Variants in ASPRV1 observed in about 807,000 individuals in gnomAD.
ASPRV1 encodes the protein retroviral-like aspartic protease 1.
In ASPRV1, 7 loss-of-function variants were observed where a neutral mutation model predicts 11.0. The ratio of observed to expected loss-of-function variants is 0.64; its 90% CI spans 0.36 to 1.20. The LOEUF (loss-of-function observed/expected upper bound fraction) is 1.20, where lower values mean the gene tolerates loss of function less well. Among genes scored for constraint, ASPRV1 ranks in the 50% most tolerant of loss-of-function variants. The pLI, the probability that ASPRV1 is intolerant of heterozygous loss-of-function variation, is 0.02. For missense variants in ASPRV1, 299 were observed against 320.0 expected (o/e 0.93, Z 0.50); for synonymous variants, 136 against 138.4 (o/e 0.98, Z 0.12).
chr2:70,076,884 A>G, the ASPRV1 span, among the ~76,000 whole-genome samples: 1 of 152,372 alleles, frequency 6.6e-6, no homozygotes, highest in Non-Finnish European at 1.5e-5. Flanking sequence ...ATCAAAATTA[A>G]GAATTTCAAG....
chr2:70,067,180 G>C, the ASPRV1 span, among the ~76,000 whole-genome samples: 1 of 152,200 alleles, frequency 6.6e-6, no homozygotes, highest in Non-Finnish European at 1.5e-5. Context: ...AAGAAATACT[G>C]AGGAGGTAGG....
At chr2:69,993,177 C>T in the ASPRV1 span, among the ~76,000 whole-genome samples, 11 of 152,166 alleles carry the variant, frequency 7.2e-5, no homozygotes, top group African/African-American at 1.9e-4. Flanking sequence ...GCTCAGGCCA[C>T]GTAGCGAAGA....
chr2:70,077,486 T>A, the ASPRV1 span: 7 of 152,066 alleles, frequency 4.6e-5, no homozygotes, highest in Non-Finnish European at 8.8e-5. Flanking sequence ...TTACCTTCAT[T>A]AGGAAAAAAA....
At chr2:70,069,474 C>A in the ASPRV1 span, 1 of 152,158 alleles carries the variant, frequency 6.6e-6, no homozygotes, top group Non-Finnish European at 1.5e-5. Context: ...TAGGGCATGA[C>A]CACATTTATC....
the ASPRV1 span, among the ~76,000 whole-genome samples, chr2:70,025,940 T>G: frequency 6.6e-6 from 1 of 152,230 alleles, no homozygotes; most frequent in Non-Finnish European, 1.5e-5. Flanking sequence ...GGTAAGAATA[T>G]GGATTGGAAT....
chr2:69,985,244 C>G, the ASPRV1 span, among the ~76,000 whole-genome samples: 1 of 152,018 alleles, frequency 6.6e-6, no homozygotes, highest in Non-Finnish European at 1.5e-5. Flanking sequence ...TCCCTTCTTT[C>G]CTTCCTTCCC....
the ASPRV1 span, among the ~76,000 whole-genome samples, chr2:70,010,117 T>A: frequency 6.6e-6 from 1 of 152,050 alleles, no homozygotes; most frequent in African/African-American, 2.4e-5. Flanking sequence ...CCTTGTCCAC[T>A]AGCACAGGAG....
the ASPRV1 span, among the ~76,000 whole-genome samples, chr2:70,036,176 G>A: frequency 6.6e-6 from 1 of 151,882 alleles, no homozygotes; most frequent in Admixed American, 6.6e-5. Context: ...GTGAAGAGGT[G>A]GGCAGAAAAA....
the ASPRV1 span, chr2:70,086,890 G>C: frequency 3.3e-5 from 5 of 152,260 alleles, no homozygotes; most frequent in African/African-American, 1.2e-4. Context: ...ACCGGCCGCC[G>C]CCGGGGAGCA....
chr2:69,937,345 G>A, the ASPRV1 span: 2 of 1,613,944 alleles, frequency 1.2e-6, no homozygotes, highest in Non-Finnish European at 1.7e-6. Context: ...GGATCCGGAT[G>A]GACAGCATCG....
At chr2:69,944,399 G>C in the ASPRV1 span, among the ~76,000 whole-genome samples, 1 of 152,250 alleles carries the variant, frequency 6.6e-6, no homozygotes, top group Non-Finnish European at 1.5e-5. Flanking sequence ...AGGGCTGGGT[G>C]CGCCACTGCA....
chr2:69,965,227 G>C (rs1051748140), upstream of ASPRV1, among the ~76,000 whole-genome samples: 2 of 152,064 alleles, frequency 1.3e-5, no homozygotes, highest in African/African-American at 4.8e-5. Context: ...TTTTAGTAAA[G>C]ACAGGTTTCA....
chr2:69,937,895 T>G, the ASPRV1 span, among the ~76,000 whole-genome samples: 1 of 152,184 alleles, frequency 6.6e-6, no homozygotes, highest in South Asian at 2.1e-4. Flanking sequence ...ATTACAGGCG[T>G]GAGCCACCAC....
the ASPRV1 span, among the ~76,000 whole-genome samples, chr2:70,000,172 T>C: frequency 6.6e-6 from 1 of 152,238 alleles, no homozygotes; most frequent in East Asian, 1.9e-4. Context: ...CAAGTGATAA[T>C]CTAGGATAAA....
chr2:70,037,398 A>G, the ASPRV1 span, among the ~76,000 whole-genome samples: 2 of 152,238 alleles, frequency 1.3e-5, no homozygotes, highest in South Asian at 4.1e-4. Context: ...ATCTCAGCTG[A>G]CTGCAACCTC....
the ASPRV1 span, among the ~76,000 whole-genome samples, chr2:70,082,935 A>G: frequency 5.3e-5 from 8 of 152,164 alleles, no homozygotes; most frequent in Admixed American, 3.3e-4. Context: ...TTAAACAACC[A>G]TAGTATGCTT....
the ASPRV1 span, among the ~76,000 whole-genome samples, chr2:70,012,562 C>G: frequency 1.3e-5 from 2 of 152,106 alleles, no homozygotes; most frequent in Non-Finnish European, 2.9e-5. Context: ...CCTTCTAGAG[C>G]CTTAAGTCAA....
the ASPRV1 span, among the ~76,000 whole-genome samples, chr2:70,047,850 C>T: frequency 2.0e-5 from 3 of 152,260 alleles, no homozygotes; most frequent in South Asian, 6.2e-4. Flanking sequence ...GTGACTCATG[C>T]CTGTAATCCC....
chr2:69,989,987 ATCT>A, the ASPRV1 span, among the ~76,000 whole-genome samples: 1 of 152,156 alleles, frequency 6.6e-6, no homozygotes, highest in African/African-American at 2.4e-5. Flanking sequence ...AGTGCTAAGA[ATCT>A]TCATTTAACT....
Sources: allele counts gnomAD v4.1 joint callset (sites outside exome capture counted in the v4.1 genomes callset), GRCh38; gene constraint gnomAD v4.1.1; transcripts MANE v1.5; gene names NCBI Gene and HGNC (gene_info 2026-07-23, HGNC 2026-07-21).